KCNIP1: variants seen among roughly 807,000 people sequenced by gnomAD.
The protein encoded by KCNIP1 is potassium voltage-gated channel interacting protein 1.
In KCNIP1, 18 loss-of-function variants were observed where a neutral mutation model predicts 33.0. That is an observed-to-expected ratio of 0.55 (90% CI 0.38 to 0.81). The LOEUF is 0.81. Among genes scored for constraint, KCNIP1 ranks in the 30% least tolerant of loss-of-function variants. KCNIP1 has a pLI of 0.00. For synonymous variants in KCNIP1, 93 were observed against 98.3 expected (o/e 0.95, Z 0.32); for missense variants, 238 against 271.6 (o/e 0.88, Z 0.87).
intron 1 of KCNIP1, among the ~76,000 whole-genome samples, chr5:170,483,473 G>C (rs899384424): frequency 6.6e-6 from 1 of 152,166 alleles, no homozygotes; most frequent in African/African-American, 2.4e-5. Flanking sequence ...TATCTGGCTG[G>C]TTGTATTGGG....
intron 1 of KCNIP1, among the ~76,000 whole-genome samples, chr5:170,700,136 T>A (rs1002046360): frequency 6.6e-6 from 1 of 152,014 alleles, no homozygotes; most frequent in African/African-American, 2.4e-5. Flanking sequence ...AGCAGGCTTA[T>A]CTTGTTCTCC....
Position 170,516,049 on chromosome 5 carries a change from G to A in KCNIP1, c.61+11416G>A, listed in dbSNP as rs187243817. Among the ~76,000 whole-genome samples the A allele has an allele frequency of 3.3e-5, 5 of 152,284 alleles. No individual in the cohort carries two copies. In the East Asian group the frequency reaches 9.7e-4, roughly 29 times the overall value. ...TGTTTTGTATGCTTGTGACTTGGAG[G>A]ATGTTAACAGAAAGAGGATGCCATC... On this transcript the variant is annotated intron_variant, in intron 1 of 7. Coordinates refer to ENST00000328939, the MANE Select transcript of KCNIP1 (RefSeq NM_014592.4).
intron 1 of KCNIP1, among the ~76,000 whole-genome samples, chr5:170,630,211 A>G (rs1198346835): frequency 1.3e-5 from 2 of 152,268 alleles, no homozygotes; most frequent in African/African-American, 2.4e-5. Flanking sequence ...GGTTAGATAC[A>G]GGACCTGATA....
chr5:170,673,443 A>G (rs7714005), intron 1 of KCNIP1, among the ~76,000 whole-genome samples: 11,652 of 152,310 alleles, frequency 0.077, 525 homozygotes, highest in Middle Eastern at 0.14. Context: ...CGATACAGTG[A>G]CGTAGGTCTA....
At chr5:170,496,657 C>T (rs1212361222) in intron 1 of KCNIP1, among the ~76,000 whole-genome samples, 1 of 152,212 alleles carries the variant, frequency 6.6e-6, no homozygotes, top group African/African-American at 2.4e-5. Flanking sequence ...GACTCCTGGA[C>T]ATTTACCCAA....
At chr5:170,413,320 T>C (rs12716255) in intron 1 of KCNIP1, among the ~76,000 whole-genome samples, 106,492 of 152,164 alleles carry the variant, frequency 0.7, 37,688 homozygotes, top group African/African-American at 0.81. Context: ...AAACTCATCG[T>C]GCCTGGCCTT....
intron 1 of KCNIP1, among the ~76,000 whole-genome samples, chr5:170,469,816 T>G (rs1022188270): frequency 6.6e-6 from 1 of 152,200 alleles, no homozygotes; most frequent in Admixed American, 6.5e-5. Context: ...TGTCCTTGGG[T>G]GCAAGTTTTC....
In KCNIP1 at chr5:170,644,390, G is replaced by A. The variant is rs1005388105; in HGVS notation, c.62-74368G>A. 5.9e-5 allele frequency among the ~76,000 whole-genome samples: 9 copies of A among 152,338 alleles called. No homozygotes were observed. The East Asian group carries it at 7.7e-4, about 13-fold the overall frequency. On this transcript the variant is annotated intron_variant, in intron 1 of 7. Coordinates refer to ENST00000328939, the MANE Select transcript of KCNIP1 (RefSeq NM_014592.4). ...TATCTGTAGGCATCAGCCTGGCTTTGCTGAGTGAGCTATATCAGAGTGGAG... is the reference window on the plus strand; with the variant it reads ...TATCTGTAGGCATCAGCCTGGCTTTACTGAGTGAGCTATATCAGAGTGGAG...
intron 1 of KCNIP1, among the ~76,000 whole-genome samples, chr5:170,559,049 G>A (rs1360572468): frequency 6.6e-6 from 1 of 152,152 alleles, no homozygotes; most frequent in East Asian, 1.9e-4. Flanking sequence ...TCTACTCTAG[G>A]CTACACAGTA....
chr5:170,473,517 T>C (rs958789442), intron 1 of KCNIP1, among the ~76,000 whole-genome samples: 1 of 152,136 alleles, frequency 6.6e-6, no homozygotes, highest in Non-Finnish European at 1.5e-5. Flanking sequence ...TCATCACCCC[T>C]GAGAAATCAG....
At chr5:170,594,862 G>A (rs1225094467) in intron 1 of KCNIP1, among the ~76,000 whole-genome samples, 1 of 152,202 alleles carries the variant, frequency 6.6e-6, no homozygotes, top group East Asian at 1.9e-4. Flanking sequence ...TCCCACTGAT[G>A]AGTTATGGAA....
intron 1 of KCNIP1, among the ~76,000 whole-genome samples, chr5:170,684,254 A>G (rs945239350): frequency 2.0e-5 from 3 of 152,228 alleles, no homozygotes; most frequent in African/African-American, 7.2e-5. Flanking sequence ...GGACTGCCAG[A>G]ACAAATTACT....
intron 1 of KCNIP1, among the ~76,000 whole-genome samples, chr5:170,488,080 C>T (rs1757135230): frequency 6.6e-6 from 1 of 152,220 alleles, no homozygotes; most frequent in South Asian, 2.1e-4. Flanking sequence ...CCAATATAAG[C>T]TGATGGTGCC....
intron 1 of KCNIP1, among the ~76,000 whole-genome samples, chr5:170,583,655 G>C (rs1757879752): frequency 6.6e-6 from 1 of 152,170 alleles, no homozygotes; most frequent in Non-Finnish European, 1.5e-5. Context: ...TTAGGCTCTT[G>C]AGGCTCAATA....
At chr5:170,615,037 AAACCCCATCTTTACT>A (rs1278658538) in intron 1 of KCNIP1, among the ~76,000 whole-genome samples, 1 of 152,192 alleles carries the variant, frequency 6.6e-6, no homozygotes, top group Non-Finnish European at 1.5e-5. Flanking sequence ...CCAAATGGCG[AAACCCCATCTTTACT>A]AAAAATACAA....
At chr5:170,435,930 G>A (rs112986612) in intron 1 of KCNIP1, among the ~76,000 whole-genome samples, 171 of 152,094 alleles carry the variant, frequency 1.1e-3, no homozygotes, top group African/African-American at 4.0e-3. Flanking sequence ...CTTAAGCCAG[G>A]GCCTGCAAAT....
At chr5:170,570,246 G>A (rs1161861893) in intron 1 of KCNIP1, among the ~76,000 whole-genome samples, 1 of 152,138 alleles carries the variant, frequency 6.6e-6, no homozygotes, top group African/African-American at 2.4e-5. Flanking sequence ...TCTCTTACAG[G>A]CATATCTTGG....
intron 6 of KCNIP1, among the ~76,000 whole-genome samples, 182 bp downstream of exon 6, chr5:170,733,086 A>G (rs921765915): frequency 6.6e-6 from 1 of 152,234 alleles, no homozygotes; most frequent in Non-Finnish European, 1.5e-5. Context: ...TGTACATGAC[A>G]GAAGAGAACA....
chr5:170,400,668 G>A (rs1200891815), intron 1 of KCNIP1, among the ~76,000 whole-genome samples: 1 of 152,210 alleles, frequency 6.6e-6, no homozygotes, highest in Non-Finnish European at 1.5e-5. Context: ...ACCCTTTGAA[G>A]TGGTTACTGT....
Sources: allele counts gnomAD v4.1 joint callset (sites outside exome capture counted in the v4.1 genomes callset), GRCh38; gene constraint gnomAD v4.1.1; transcripts MANE v1.5; gene names NCBI Gene and HGNC (gene_info 2026-07-23, HGNC 2026-07-21).